The following MED12L variants were observed in gnomAD, a reference collection of about 807,000 sequenced individuals.
The protein encoded by MED12L is mediator complex subunit 12L.
MED12L carries 60 observed loss-of-function variants against 281.3 expected under a neutral mutation model. The ratio of observed to expected loss-of-function variants is 0.21; its 90% CI spans 0.17 to 0.26. MED12L has a LOEUF of 0.26. MED12L is among the 10% of genes least tolerant of loss of function. MED12L has a pLI of 1.00. For missense variants in MED12L, 2,146 were observed against 2,680.9 expected, an observed-to-expected ratio of 0.80 and a Z score of 4.41; for synonymous variants, 974 against 987.2, an observed-to-expected ratio of 0.99 and a Z score of 0.25.
At chr3:151,252,162 G>A (rs1736986642) in intron 16 of MED12L, among the ~76,000 whole-genome samples, 1 of 152,014 alleles carries the variant, frequency 6.6e-6, no homozygotes, top group Non-Finnish European at 1.5e-5. Context: ...TTACCAAAAA[G>A]TACTATTAAT....
chr3:151,220,464 G>A (rs550550414), intron 16 of MED12L, among the ~76,000 whole-genome samples: 3 of 152,234 alleles, frequency 2.0e-5, no homozygotes, highest in African/African-American at 4.8e-5. Context: ...AGTTTGGCAC[G>A]TGATATGGTT....
At chr3:151,267,897 T>C (rs1384721746) in intron 16 of MED12L, among the ~76,000 whole-genome samples, 1 of 152,172 alleles carries the variant, frequency 6.6e-6, no homozygotes, top group African/African-American at 2.4e-5. Flanking sequence ...TTTTAAAATT[T>C]CTTTGTACGT....
chr3:151,160,001 C>T lies in MED12L; in HGVS notation c.1007C>T (p.Pro336Leu), dbSNP rs932431621. 2 of 1,614,160 alleles carry T rather than the reference C, an allele frequency of 1.2e-6. No homozygotes were observed. The highest frequency in any genetic ancestry group is 2.2e-5 in the East Asian group (1 of 44,886). ...AGTATCGGGGCCCCCAGCCCTGGCC[C>T]CCCCGGCCCTGGCATGAGCCCCGTG... ...NSSIGAPSPG[P>L]PGPGMSPVQL... The change falls in exon 8 of 45, where the codon CCC becomes CTC. Residue 336 changes from proline (P) to leucine (L), a missense_variant. Transcript: ENST00000687756.
In MED12L at chr3:151,367,703, C is replaced by T. The variant is rs1755452892; in HGVS notation, c.3385C>T (p.Arg1129Ter). 2 of 1,611,520 alleles carry T rather than the reference C, an allele frequency of 1.2e-6. No homozygotes were observed. Among genetic ancestry groups the T allele is most frequent in the Non-Finnish European group, 1.7e-6 (2 of 1,178,330 alleles). Reference protein sequence around the residue: ...LATFIAILIARQCFSLEDVVQ... With the variant: ...LATFIAILIA ...TACTTTCATTGCTATTCTGATAGCA[C>T]GACAGTGTTTTTCCCTGGAGGACGT... is the stretch of plus-strand genomic sequence containing the variant. The change falls in exon 24 of 45, where the codon CGA (arginine) becomes TGA (stop). Residue 1129 changes from arginine to a stop codon, truncating the protein, a stop_gained. Coordinates refer to ENST00000687756, the MANE Select transcript of MED12L (RefSeq NM_001393769.1). LOFTEE classifies it high-confidence loss of function.
At chr3:151,387,612 A>G (rs1331957060) in intron 36 of MED12L, among the ~76,000 whole-genome samples, 198 bp from the exon 37 acceptor site, 1 of 152,200 alleles carries the variant, frequency 6.6e-6, no homozygotes, top group African/African-American at 2.4e-5. Context: ...AAAGAACTGT[A>G]GAACCGGGCT....
At chr3:151,093,582 T>C (rs1370403240) in intron 2 of MED12L, among the ~76,000 whole-genome samples, 7 of 152,220 alleles carry the variant, frequency 4.6e-5, no homozygotes, top group Admixed American at 4.6e-4. Context: ...TACTAAACAG[T>C]GCAAATGAGT....
At chr3:151,309,141 G>GCACACACACA (rs1553775156) in intron 16 of MED12L, among the ~76,000 whole-genome samples, 8 of 147,508 alleles carry the variant, frequency 5.4e-5, no homozygotes, top group African/African-American at 2.0e-4. Flanking sequence ...ACACACACAC[G>GCACACACACA]CACACACACA....
chr3:151,179,807 A>T lies in MED12L; in HGVS notation c.1495-5523A>T, dbSNP rs150790271. On this transcript the variant is annotated intron_variant, in intron 11 of 44. Transcript: ENST00000687756. ...CCCATTAGCCTGCAGAAAAAATGGAAATAAAAACAAACCAAAAATTTTCAT... is the reference window on the plus strand; with the variant it reads ...CCCATTAGCCTGCAGAAAAAATGGATATAAAAACAAACCAAAAATTTTCAT... Among the ~76,000 whole-genome samples, 76 of 152,352 alleles carry T rather than the reference A, an allele frequency of 5.0e-4. 1 individual carries two copies. Among genetic ancestry groups the T allele is most frequent in the African/African-American group, 1.7e-3 (72 of 41,568 alleles).
rs769829011 is a variant in MED12L, at chr3:151,372,690, G to A, written c.3788G>A (p.Cys1263Tyr). The A allele has an allele frequency of 1.0e-4, 168 of 1,613,842 alleles. No individual in the cohort carries two copies. The highest frequency in any genetic ancestry group is 1.4e-4 in the Non-Finnish European group (165 of 1,179,880). Reference protein sequence around the residue: ...IWTASQNPKSCGKSISIETAN... With the variant: ...IWTASQNPKSYGKSISIETAN... ...ACTGCCTCACAAAATCCAAAATCCT[G>A]TGGGAAAAGCATTTCCATAGAAACT... Residue 1263 changes from cysteine (C) to tyrosine (Y), a missense_variant, in exon 27 of 45, where the codon TGT becomes TAT. Cys to Tyr is a radical substitution (Grantham distance 194, BLOSUM62 -2). This residue lies in a region of MED12L where 235 missense variants were observed against 260.3 expected (regional missense o/e 0.90). Transcript: ENST00000687756.
intron 2 of MED12L, among the ~76,000 whole-genome samples, chr3:151,105,399 CCTCTG>C (rs1291537044): frequency 6.6e-6 from 1 of 152,168 alleles, no homozygotes; most frequent in Non-Finnish European, 1.5e-5. Flanking sequence ...CCCACTTCTT[CCTCTG>C]CTCTTTCGAG....
At chr3:151,338,538 A>G in intron 16 of MED12L, 2 of 1,614,054 alleles carry the variant, frequency 1.2e-6, no homozygotes, top group Non-Finnish European at 1.7e-6. Flanking sequence ...GAAATAAAAT[A>G]TGACGGAGGT....
chr3:151,182,271 C>T (rs983150660), intron 11 of MED12L, among the ~76,000 whole-genome samples: 4 of 151,262 alleles, frequency 2.6e-5, no homozygotes, highest in African/African-American at 9.8e-5. Flanking sequence ...AAGATAAACC[C>T]AGTATTTGCC....
intron 16 of MED12L, among the ~76,000 whole-genome samples, chr3:151,225,196 G>A (rs745949428): frequency 2.0e-5 from 3 of 152,054 alleles, no homozygotes; most frequent in African/African-American, 4.8e-5. Flanking sequence ...GGGTGCCCTC[G>A]ACTTCACAGA....
chr3:151,236,180 T>C (rs900772455), intron 16 of MED12L, among the ~76,000 whole-genome samples: 5 of 152,198 alleles, frequency 3.3e-5, no homozygotes, highest in African/African-American at 9.6e-5. Flanking sequence ...GCTCAATGAA[T>C]ATTTATGGAA....
intron 11 of MED12L, among the ~76,000 whole-genome samples, chr3:151,181,326 A>G (rs1722666902): frequency 6.6e-6 from 1 of 152,124 alleles, no homozygotes; most frequent in South Asian, 2.1e-4. Flanking sequence ...AGTGAAATCT[A>G]TTCTTTTAAA....
Position 151,182,898 on chromosome 3 carries a change from A to G in MED12L, c.1495-2432A>G, listed in dbSNP as rs1034554874. Among the ~76,000 whole-genome samples the G allele has an allele frequency of 3.3e-5, 5 of 152,204 alleles. No homozygotes were observed. The East Asian group carries it at 7.7e-4, about 23-fold the overall frequency. Reference sequence around the variant, plus strand: ...TAGCTTGCCTCTCATTACAGTTGGGATAACTACTTCCAGGTTTCTGTAAGG... The same window carrying G: ...TAGCTTGCCTCTCATTACAGTTGGGGTAACTACTTCCAGGTTTCTGTAAGG... On this transcript the variant is annotated intron_variant, in intron 11 of 44. Coordinates refer to ENST00000687756, the MANE Select transcript of MED12L (RefSeq NM_001393769.1).
intron 11 of MED12L, among the ~76,000 whole-genome samples, chr3:151,172,377 AC>A (rs1306548862): frequency 7.9e-5 from 12 of 152,246 alleles, no homozygotes; most frequent in Non-Finnish European, 1.5e-4. Flanking sequence ...TGCTATTATT[AC>A]TGACTGATGT....
chr3:151,128,092 G>A (rs749469117), intron 5 of MED12L, 108 bp downstream of exon 5: 41 of 963,822 alleles, frequency 4.3e-5, no homozygotes, highest in Non-Finnish European at 5.6e-5. Flanking sequence ...GAGAAGGTCC[G>A]TGGTGAGACT....
intron 16 of MED12L, chr3:151,336,613 T>A (rs1269127442): frequency 2.2e-6 from 1 of 450,912 alleles, no homozygotes; most frequent in East Asian, 7.0e-5. Flanking sequence ...TTGTTTATGT[T>A]AAAATAGCGA....
Sources: gnomAD v4.1 joint callset for allele counts (sites outside exome capture counted in the v4.1 genomes callset) on GRCh38, gnomAD v4.1.1 for gene constraint, gnomAD v4.1.1 regional missense constraint, MANE v1.5 for transcripts, NCBI Gene and HGNC (gene_info 2026-07-23, HGNC 2026-07-21) for gene names.